The following RARB variants were observed in gnomAD, a reference collection of about 807,000 sequenced individuals.
RARB encodes HBV-activated protein.
Under a neutral mutation model 51.9 loss-of-function variants are expected in RARB, and 17 were observed. The observed-to-expected ratio is 0.33, with a 90% CI of 0.22 to 0.49. The LOEUF (loss-of-function observed/expected upper bound fraction) is 0.49. Ranked by LOEUF, RARB falls within the 20% of genes least tolerant of loss-of-function variation. The pLI is 0.99. For missense variants in RARB, 369 were observed against 550.8 expected, an observed-to-expected ratio of 0.67 and a Z score of 3.30; for synonymous variants, 215 against 195.4, an observed-to-expected ratio of 1.10 and a Z score of -0.84.
At chr3:24,862,102 A>G (rs1702758873) in intron 2 of RARB, among the ~76,000 whole-genome samples, 1 of 152,206 alleles carries the variant, frequency 6.6e-6, no homozygotes, top group African/African-American at 2.4e-5. Context: ...CCTATGTGTG[A>G]GACACACTGC....
intron 5 of RARB, among the ~76,000 whole-genome samples, chr3:25,344,149 A>G (rs554881652): frequency 6.6e-6 from 1 of 152,318 alleles, no homozygotes; most frequent in Admixed American, 6.5e-5. Context: ...GTGATGGGGC[A>G]TATTAAACTC....
intron 4 of RARB, among the ~76,000 whole-genome samples, chr3:25,141,303 T>A (rs943832534): frequency 2.0e-5 from 3 of 152,022 alleles, no homozygotes; most frequent in Admixed American, 1.3e-4. Flanking sequence ...AAATTCAATA[T>A]ACTAGATGAA....
At chr3:25,040,522 C>G (rs1698090434) in intron 2 of RARB, among the ~76,000 whole-genome samples, 1 of 152,142 alleles carries the variant, frequency 6.6e-6, no homozygotes, top group African/African-American at 2.4e-5. Context: ...CGCTTGAGGA[C>G]AGAAGTTCGA....
In RARB at chr3:25,386,125, C is replaced by T. The variant is rs190284212; in HGVS notation, c.179-75068C>T. Among the ~76,000 whole-genome samples, 449 of 152,242 alleles carry T rather than the reference C, an allele frequency of 2.9e-3. 3 individuals carry two copies. Among genetic ancestry groups the T allele is most frequent in the African/African-American group, 0.01 (428 of 41,548 alleles). On this transcript the variant is annotated intron_variant, in intron 5 of 11. Transcript: ENST00000383772. ...CAGGCAATATAGTCTGATAAAGATA[C>T]ACCAGGGACACAAACAGAGCTGTGG...
chr3:25,029,925 G>A (rs1697833016), intron 2 of RARB, among the ~76,000 whole-genome samples: 1 of 152,200 alleles, frequency 6.6e-6, no homozygotes, highest in Admixed American at 6.5e-5. Context: ...TCTGCCTGAT[G>A]ATGTATGAGA....
chr3:24,854,775 T>C (rs772312404), intron 1 of RARB, among the ~76,000 whole-genome samples: 2 of 152,174 alleles, frequency 1.3e-5, no homozygotes, highest in Non-Finnish European at 2.9e-5. Flanking sequence ...ACCCCAGCTG[T>C]ACCAATAAAA....
chr3:25,087,571 T>TAAATACC (rs1699125962), intron 3 of RARB, among the ~76,000 whole-genome samples: 2 of 152,098 alleles, frequency 1.3e-5, no homozygotes, highest in Non-Finnish European at 2.9e-5. Context: ...ACCTCATAGG[T>TAAATACC]TCGTTCAGAA....
chr3:25,351,071 A>C, intron 5 of RARB, among the ~76,000 whole-genome samples: 1 of 152,156 alleles, frequency 6.6e-6, no homozygotes, highest in East Asian at 1.9e-4. Flanking sequence ...TTAAGGAATA[A>C]GCATCTGGTG....
At chr3:25,551,965 T>A (rs552593843) in intron 3 of RARB, among the ~76,000 whole-genome samples, 4 of 152,340 alleles carry the variant, frequency 2.6e-5, no homozygotes, top group Non-Finnish European at 5.9e-5. Context: ...GCATTTTTTT[T>A]ATAACCATGT....
At chr3:24,932,976 A>G (rs74927002) in intron 2 of RARB, among the ~76,000 whole-genome samples, 3,236 of 152,240 alleles carry the variant, frequency 0.021, 112 homozygotes, top group African/African-American at 0.074. Context: ...GATTCATTTA[A>G]GTGGGCAGAA....
At chr3:25,444,130 T>C (rs1352385940) in intron 1 of RARB, among the ~76,000 whole-genome samples, 1 of 152,186 alleles carries the variant, frequency 6.6e-6, no homozygotes, top group Non-Finnish European at 1.5e-5. Flanking sequence ...CCATGTCATC[T>C]AGTCCTCAGA....
At chr3:25,390,001 A>C (rs1575364743) in intron 5 of RARB, among the ~76,000 whole-genome samples, 1 of 152,268 alleles carries the variant, frequency 6.6e-6, no homozygotes, top group South Asian at 2.1e-4. Context: ...GAGGTAAAAC[A>C]AGGCTGGCGG....
intron 5 of RARB, among the ~76,000 whole-genome samples, chr3:25,260,841 A>G (rs188940767): frequency 7.4e-4 from 113 of 152,242 alleles, no homozygotes; most frequent in Non-Finnish European, 1.3e-3. Flanking sequence ...TATCTGTTTA[A>G]TTAGTATGGT....
chr3:25,579,350 T>C (rs756908582), intron 4 of RARB, among the ~76,000 whole-genome samples: 11 of 152,364 alleles, frequency 7.2e-5, no homozygotes, highest in East Asian at 3.9e-4. Flanking sequence ...GAGAGTTTCC[T>C]TGTGCACCTG....
At chr3:25,237,768 A>G (rs972263775) in intron 5 of RARB, among the ~76,000 whole-genome samples, 4 of 152,016 alleles carry the variant, frequency 2.6e-5, no homozygotes, top group Admixed American at 2.0e-4. Flanking sequence ...GGCAAATGCT[A>G]CTCTAGTCTA....
At chr3:25,294,193 C>T (rs945648677) in intron 5 of RARB, among the ~76,000 whole-genome samples, 2 of 152,160 alleles carry the variant, frequency 1.3e-5, no homozygotes, top group Non-Finnish European at 2.9e-5. Context: ...AACCAAAAAA[C>T]ACCATATGTT....
chr3:25,266,235 G>C (rs1209626342), intron 5 of RARB, among the ~76,000 whole-genome samples: 1 of 152,044 alleles, frequency 6.6e-6, no homozygotes, highest in African/African-American at 2.4e-5. Flanking sequence ...TAGGCTTTTA[G>C]GGGCTAATAT....
intron 3 of RARB, among the ~76,000 whole-genome samples, chr3:25,103,959 A>T (rs1273432306): frequency 6.6e-6 from 1 of 152,196 alleles, no homozygotes; most frequent in Non-Finnish European, 1.5e-5. Flanking sequence ...CTGAATCCAG[A>T]TTAGGTGCCC....
chr3:25,322,776 C>T (rs1463910699), intron 5 of RARB, among the ~76,000 whole-genome samples: 1 of 152,150 alleles, frequency 6.6e-6, no homozygotes, highest in Non-Finnish European at 1.5e-5. Flanking sequence ...TGGCCCCGAT[C>T]CTCTGACAAG....
Sources: allele counts gnomAD v4.1 joint callset (sites outside exome capture counted in the v4.1 genomes callset), GRCh38; gene constraint gnomAD v4.1.1; transcripts MANE v1.5; gene names NCBI Gene and HGNC (gene_info 2026-07-23, HGNC 2026-07-21).